The following RNF6 variants were observed in gnomAD, a reference collection of about 807,000 sequenced individuals.
RNF6 encodes the protein ring finger protein 6.
Under a neutral mutation model 50.1 loss-of-function variants are expected in RNF6, and 21 were observed. The ratio of observed to expected loss-of-function variants is 0.42; its 90% confidence interval spans 0.30 to 0.60. The LOEUF is 0.60. Among genes scored for constraint, RNF6 ranks in the 20% least tolerant of loss-of-function variants. RNF6 has a pLI of 0.20. For synonymous variants in RNF6, 255 were observed against 291.8 expected (o/e 0.87, Z 1.29); for missense variants, 698 against 838.2 (o/e 0.83, Z 2.07).
chr13:26,152,409 T>G (rs539489252), intron 5 of RNF6, among the ~76,000 whole-genome samples: 1 of 152,198 alleles, frequency 6.6e-6, no homozygotes, highest in Non-Finnish European at 1.5e-5. Context: ...TTGGCTTAAA[T>G]GTCACCTCTT....
In RNF6 at chr13:26,218,628, C is replaced by A. The variant is rs1264625925; in HGVS notation, c.194-22G>T. 2.5e-6 allele frequency: 4 copies of A among 1,593,420 alleles called. No homozygotes were observed. In the East Asian group the frequency reaches 8.9e-5, roughly 36 times the overall value. On this transcript the variant is annotated intron_variant, in intron 3 of 4. Transcript: ENST00000381588. ...TCTCCTAAAACAATGAAAAACTGCT[C>A]ATTTAAGAATTCTGAATTAAGTTTT...
chr13:26,209,397 G>C (rs892731811), downstream of RNF6, among the ~76,000 whole-genome samples: 17 of 152,212 alleles, frequency 1.1e-4, no homozygotes, highest in African/African-American at 3.9e-4. Flanking sequence ...TGCTCAGCGA[G>C]ATATGCTATT....
chr13:26,193,401 A>T (rs965086817), intron 5 of RNF6, among the ~76,000 whole-genome samples: 1 of 152,246 alleles, frequency 6.6e-6, no homozygotes, highest in African/African-American at 2.4e-5. Flanking sequence ...AAAGAGGATG[A>T]GGGAGTTAGC....
intron 5 of RNF6, among the ~76,000 whole-genome samples, chr13:26,176,624 G>A (rs1223565927): frequency 6.6e-6 from 1 of 152,164 alleles, no homozygotes; most frequent in Non-Finnish European, 1.5e-5. Context: ...AATAAGAATG[G>A]TGTCCTTAAA....
chr13:26,166,789 G>A (rs1872472148), intron 5 of RNF6, among the ~76,000 whole-genome samples: 1 of 152,108 alleles, frequency 6.6e-6, no homozygotes, highest in Non-Finnish European at 1.5e-5. Context: ...GCATGGTGGT[G>A]CGTGCCTGTA....
At chr13:26,140,765 T>G (rs1870897270) in intron 5 of RNF6, among the ~76,000 whole-genome samples, 1 of 152,188 alleles carries the variant, frequency 6.6e-6, no homozygotes, top group African/African-American at 2.4e-5. Context: ...CTAGACCTGA[T>G]GAACGAATTT....
intron 5 of RNF6, among the ~76,000 whole-genome samples, chr13:26,176,323 T>C (rs1872955410): frequency 6.6e-6 from 1 of 152,202 alleles, no homozygotes; most frequent in South Asian, 2.1e-4. Flanking sequence ...AGGGTCTTGC[T>C]CTGTCACCCA....
At chr13:26,171,327 T>A (rs191393002) in intron 5 of RNF6, among the ~76,000 whole-genome samples, 28 of 152,156 alleles carry the variant, frequency 1.8e-4, no homozygotes, top group Non-Finnish European at 3.5e-4. Flanking sequence ...GAAGCGCAAA[T>A]CAAAACCACA....
intron 5 of RNF6, among the ~76,000 whole-genome samples, chr13:26,133,748 A>G (rs1042855470): frequency 1.3e-5 from 2 of 151,964 alleles, no homozygotes; most frequent in African/African-American, 4.8e-5. Flanking sequence ...CATTTGTTTC[A>G]GGCATGTTTG....
In RNF6 at chr13:26,185,245, G is replaced by C. The variant is rs549892854; in HGVS notation, n.768+30229C>G. Among the ~76,000 whole-genome samples the C allele has an allele frequency of 1.4e-4, 22 of 152,154 alleles. No homozygotes were observed. The South Asian group carries it at 4.6e-3, about 32-fold the overall frequency. ...TCGAACTAATGGGCTCAAGCTATCT[G>C]ACCGCCTCGGCCTCCAAAAGTGCTG... On this transcript the variant is annotated intron_variant and non_coding_transcript_variant, in intron 5 of 5. Transcript: ENST00000468480.
chr13:26,201,945 T>C (rs555681038), intron 5 of RNF6, among the ~76,000 whole-genome samples: 4 of 152,240 alleles, frequency 2.6e-5, no homozygotes, highest in African/African-American at 9.6e-5. Flanking sequence ...TTCTTATTCA[T>C]TATGGGGACC....
At chr13:26,148,652 A>T (rs1228711423) in intron 5 of RNF6, among the ~76,000 whole-genome samples, 1 of 131,004 alleles carries the variant, frequency 7.6e-6, no homozygotes, top group Non-Finnish European at 1.6e-5. Flanking sequence ...ATATATATAT[A>T]TATATATATA....
At chr13:26,143,385 A>C (rs1302018855) in intron 5 of RNF6, among the ~76,000 whole-genome samples, 1 of 152,204 alleles carries the variant, frequency 6.6e-6, no homozygotes, top group African/African-American at 2.4e-5. Context: ...GTTGATTCAG[A>C]AGCATGAGGA....
chr13:26,192,660 G>A (rs1292349548), intron 5 of RNF6, among the ~76,000 whole-genome samples: 3 of 152,172 alleles, frequency 2.0e-5, no homozygotes, highest in Non-Finnish European at 4.4e-5. Flanking sequence ...TTTTGGAAAG[G>A]CCCATGTGGC....
At chr13:26,216,586 A>C (rs963806839) in intron 4 of RNF6, among the ~76,000 whole-genome samples, 3 of 152,232 alleles carry the variant, frequency 2.0e-5, no homozygotes, top group African/African-American at 7.2e-5. Flanking sequence ...ATATTATATA[A>C]AGTACAAAAC....
At chr13:26,187,595 A>C (rs73158279) in intron 5 of RNF6, among the ~76,000 whole-genome samples, 1 of 152,196 alleles carries the variant, frequency 6.6e-6, no homozygotes, top group South Asian at 2.1e-4. Context: ...TGGGTGACTT[A>C]GTGGGTATGT....
At chr13:26,158,096 TAGAC>T (rs962795359) in intron 5 of RNF6, among the ~76,000 whole-genome samples, 12 of 152,192 alleles carry the variant, frequency 7.9e-5, no homozygotes, top group African/African-American at 2.4e-4. Context: ...GATGGATAGA[TAGAC>T]AGAGACTCCA....
chr13:26,172,042 T>C lies in RNF6; in HGVS notation n.769-39591A>G, dbSNP rs12857368. On this transcript the variant is annotated intron_variant and non_coding_transcript_variant, in intron 5 of 5. Coordinates refer to the RNF6 transcript ENST00000468480. ...CTTAATGCCACTAAATAGTATATTT[T>C]AAAATGATTAAAATGGGAAATTTTA... Among the ~76,000 whole-genome samples the C allele has an allele frequency of 1.1e-4, 17 of 152,182 alleles. No individual in the cohort carries two copies. The East Asian group carries it at 2.9e-3, about 26-fold the overall frequency.
At chr13:26,221,903 T>A (rs1336055232) in intron 1 of RNF6, 100 bp downstream of exon 1, 1 of 152,386 alleles carries the variant, frequency 6.6e-6, no homozygotes, top group Non-Finnish European at 1.5e-5. Context: ...AGAAGGCAGT[T>A]AACCAATCGG....
Sources: allele counts gnomAD v4.1 joint callset (sites outside exome capture counted in the v4.1 genomes callset), GRCh38; gene constraint gnomAD v4.1.1; transcripts MANE v1.5; gene names NCBI Gene and HGNC (gene_info 2026-07-23, HGNC 2026-07-21).